The following UNC5B variants were observed in gnomAD, a reference collection of about 807,000 sequenced individuals.
UNC5B encodes the protein unc-5 netrin receptor B.
UNC5B carries 56 observed loss-of-function variants against 103.7 expected under a neutral mutation model. The ratio of observed to expected loss-of-function variants is 0.54; its 90% CI spans 0.44 to 0.67. The LOEUF (loss-of-function observed/expected upper bound fraction) is 0.67. Ranked by LOEUF, UNC5B falls within the 30% of genes least tolerant of loss-of-function variation. The pLI is 0.00. For synonymous variants in UNC5B, 577 were observed against 542.0 expected (o/e 1.06, Z -0.90); for missense variants, 1,194 against 1,284.5 (o/e 0.93, Z 1.08).
chr10:71,232,645 C>G (rs1257179039), intron 1 of UNC5B, among the ~76,000 whole-genome samples: 1 of 152,236 alleles, frequency 6.6e-6, no homozygotes, highest in Non-Finnish European at 1.5e-5. Flanking sequence ...ATTTACATGT[C>G]TTCAGTTGGT....
At chr10:71,214,740 C>T (rs1843297903) in intron 1 of UNC5B, among the ~76,000 whole-genome samples, 2 of 152,050 alleles carry the variant, frequency 1.3e-5, no homozygotes, top group African/African-American at 4.8e-5. Context: ...GACTGGTTGG[C>T]CTATAGTTCT....
Position 71,299,808 on chromosome 10 carries a change from C to T in UNC5B, c.*531C>T, listed in dbSNP as rs952913379. On this transcript the variant is annotated 3_prime_UTR_variant, in exon 17 of 17. Coordinates refer to ENST00000335350, the MANE Select transcript of UNC5B (RefSeq NM_170744.5). ...AGGAAAGAAAGAAAGCTTCAGACCG[C>T]TAGTAAGGCTCAAAGAAGAAGAAAA... 1 of 152,098 alleles carries T rather than the reference C, an allele frequency of 6.6e-6. No homozygotes were observed. The allele number at this position is 152,098 out of a possible 1,614,324, so 9.4% of individuals were successfully genotyped here.
chr10:71,258,632 G>C (rs577712190), intron 1 of UNC5B, among the ~76,000 whole-genome samples: 16 of 152,296 alleles, frequency 1.1e-4, no homozygotes, highest in African/African-American at 3.4e-4. Context: ...GTCCAGAGAG[G>C]GGAAGGGACT....
At chr10:71,255,306 G>A (rs17545289) in intron 1 of UNC5B, among the ~76,000 whole-genome samples, 28,808 of 152,108 alleles carry the variant, frequency 0.19, 3,409 homozygotes, top group Non-Finnish European at 0.27. Context: ...AAAAAGACAC[G>A]CCCTCATTCA....
intron 1 of UNC5B, among the ~76,000 whole-genome samples, chr10:71,240,326 G>A (rs1233509998): frequency 1.3e-5 from 2 of 152,258 alleles, no homozygotes; most frequent in Non-Finnish European, 2.9e-5. Context: ...CACCACCAAG[G>A]ATACTTCAAT....
In UNC5B at chr10:71,296,628, C is replaced by T. The variant is rs774958159; in HGVS notation, c.2376C>T (p.Cys792=). 1.1e-5 allele frequency: 17 copies of T among 1,614,022 alleles called. No individual in the cohort carries two copies. Among genetic ancestry groups the T allele is most frequent in the Non-Finnish European group, 8.5e-7 (1 of 1,180,044 alleles). ...GTGGCAGCCAGAAGGCCCTCCACTG[C>T]ACTTTCACCCTGGAGAGGCACAGCT... ...IWSGSQKALH[C]TFTLERHSLA... is the part of the protein sequence containing the mutation. The change falls in exon 15 of 17, where the codon TGC becomes TGT. Residue 792 remains cysteine, a synonymous_variant. Transcript: ENST00000335350.
intron 2 of UNC5B, 40 bp downstream of exon 2, chr10:71,280,085 C>T: frequency 6.2e-7 from 1 of 1,603,916 alleles, no homozygotes; most frequent in Non-Finnish European, 8.5e-7. Flanking sequence ...CAGGACACCC[C>T]AGGCCCAGAG....
chr10:71,288,441 G>C, intron 6 of UNC5B, 127 bp from the exon 7 acceptor site: 1 of 1,373,048 alleles, frequency 7.3e-7, no homozygotes. Flanking sequence ...ATGTGTTCTG[G>C]GTTCCTCATT....
intron 1 of UNC5B, among the ~76,000 whole-genome samples, chr10:71,227,675 TACATATATATAC>T (rs1341034489): frequency 2.1e-5 from 3 of 142,476 alleles, no homozygotes; most frequent in Admixed American, 7.0e-5. Flanking sequence ...TACACATATA[TACATATATATAC>T]ACATATATAT....
At chr10:71,247,883 C>A (rs1844075067) in intron 1 of UNC5B, among the ~76,000 whole-genome samples, 1 of 152,144 alleles carries the variant, frequency 6.6e-6, no homozygotes, top group Non-Finnish European at 1.5e-5. Flanking sequence ...TACTTGTGTC[C>A]TTGAGACCTG....
chr10:71,285,819 C>G (rs758578135), intron 4 of UNC5B, among the ~76,000 whole-genome samples: 5 of 152,054 alleles, frequency 3.3e-5, no homozygotes, highest in Admixed American at 6.5e-5. Context: ...GCTGATCACC[C>G]CTTCCTGAAA....
At chr10:71,250,273 C>T (rs1844143310) in intron 1 of UNC5B, among the ~76,000 whole-genome samples, 1 of 152,324 alleles carries the variant, frequency 6.6e-6, no homozygotes, top group South Asian at 2.1e-4. Flanking sequence ...AGCCTCCGGC[C>T]GTTCTGCTGG....
chr10:71,291,210 GT>G, intron 9 of UNC5B, 101 bp downstream of exon 9: 1 of 1,449,718 alleles, frequency 6.9e-7, no homozygotes, highest in Non-Finnish European at 9.3e-7. Context: ...CCCTCCCAGG[GT>G]TTTTCCAGAG....
At position 71,286,814 on chromosome 10, in the gene UNC5B, G is replaced by A; in HGVS notation, c.678G>A (p.Val226=). 6.2e-7 allele frequency: 1 copy of A among 1,614,182 alleles called. No homozygotes were observed. Among genetic ancestry groups the A allele is most frequent in the South Asian group, 1.1e-5 (1 of 91,066 alleles). The change falls in exon 5 of 17, where the codon GTG becomes GTA. Residue 226 remains valine, a synonymous_variant. Transcript: ENST00000335350. ...RLSDTANYTC[V]AKNIVAKRRS... is the part of the protein sequence containing the mutation. ...CGGACACTGCCAACTATACCTGCGT[G>A]GCCAAGAACATCGTGGCCAAACGCC...
At chr10:71,272,697 C>T (rs772051636) in intron 1 of UNC5B, among the ~76,000 whole-genome samples, 1 of 152,148 alleles carries the variant, frequency 6.6e-6, no homozygotes, top group African/African-American at 2.4e-5. Flanking sequence ...CTCTCTGATC[C>T]GGTAGAACGC....
chr10:71,279,684 G>T, intron 1 of UNC5B, 137 bp from the exon 2 acceptor site: 1 of 880,892 alleles, frequency 1.1e-6, no homozygotes, highest in Non-Finnish European at 1.7e-6. Context: ...TGCAGATTAC[G>T]TCCCCAGGAG....
chr10:71,296,490 A>C (rs912570146), intron 14 of UNC5B, 88 bp from the exon 15 acceptor site: 16 of 1,486,476 alleles, frequency 1.1e-5, no homozygotes, highest in Non-Finnish European at 1.2e-5. Context: ...CTGCCCCCCA[A>C]AGCTCCCAAC....
chr10:71,288,654 C>T lies in UNC5B; in HGVS notation c.988C>T (p.Pro330Ser), dbSNP rs146944665. 6.2e-7 allele frequency: 1 copy of T among 1,613,800 alleles called. No individual in the cohort carries two copies. Among genetic ancestry groups the T allele is most frequent in the African/African-American group, 1.3e-5 (1 of 74,948 alleles). Residue 330 changes from proline (P) to serine (S), a missense_variant, in exon 7 of 17, where the codon CCA becomes TCA. Coordinates refer to ENST00000335350, the MANE Select transcript of UNC5B (RefSeq NM_170744.5). ...HWRSRECMAP[P>S]PQNGGRDCSG... ...GCGTAGCCGCGAGTGCATGGCGCCC[C>T]CACCCCAGAACGGAGGCCGTGACTG... is the stretch of plus-strand genomic sequence containing the variant.
chr10:71,251,864 G>A (rs911138685), intron 1 of UNC5B, among the ~76,000 whole-genome samples: 25 of 152,186 alleles, frequency 1.6e-4, no homozygotes, highest in African/African-American at 5.8e-4. Flanking sequence ...CCCACAGGCT[G>A]GAGATGTATA....
Sources: gnomAD v4.1 joint callset for allele counts (sites outside exome capture counted in the v4.1 genomes callset) on GRCh38, gnomAD v4.1.1 for gene constraint, MANE v1.5 for transcripts, NCBI Gene and HGNC (gene_info 2026-07-23, HGNC 2026-07-21) for gene names.